Variants in NDST3 observed in about 807,000 individuals in gnomAD.
The protein encoded by NDST3 is bifunctional heparan sulfate N-deacetylase/N-sulfotransferase 3.
NDST3 carries 58 observed loss-of-function variants against 96.1 expected under a neutral mutation model. The observed-to-expected ratio is 0.60, with a 90% CI of 0.49 to 0.75. The LOEUF is 0.75. NDST3 is among the 30% of genes least tolerant of loss of function. The probability of loss-of-function intolerance (pLI) is 0.00; values close to 1 mark genes in which losing one functional copy is unlikely to be tolerated. For synonymous variants in NDST3, 333 were observed against 359.7 expected (o/e 0.93, Z 0.84); for missense variants, 788 against 1,034.2 (o/e 0.76, Z 3.27).
At position 118,053,864 on chromosome 4, in the gene NDST3, C is replaced by T. The variant is rs2110447142; in HGVS notation, c.-47C>T. On this transcript the variant is annotated 5_prime_UTR_variant, in exon 2 of 14. Transcript: ENST00000296499. Reference sequence around the variant, plus strand: ...GCTGGAACACCATCTTTTCTTTTAACTTTTTATGGTGCTTCTGTTGGCATA... The same window carrying T: ...GCTGGAACACCATCTTTTCTTTTAATTTTTTATGGTGCTTCTGTTGGCATA... 1 of 1,525,034 alleles carries T rather than the reference C, an allele frequency of 6.6e-7. No homozygotes were observed. Among genetic ancestry groups the T allele is most frequent in the Non-Finnish European group, 8.8e-7 (1 of 1,140,522 alleles). 94.5% of individuals were successfully genotyped at this position (1,525,034 alleles called of 1,614,324 possible).
intron 6 of NDST3, among the ~76,000 whole-genome samples, chr4:118,159,196 T>C (rs564899198): frequency 2.0e-5 from 3 of 152,332 alleles, no homozygotes; most frequent in Admixed American, 6.5e-5. Flanking sequence ...TTTTATCTTA[T>C]CTGTCTCCAA....
rs74613179 is a variant in NDST3, at chr4:118,240,402, T to C, written c.2119-122T>C. On this transcript the variant is annotated intron_variant, in intron 10 of 13. Transcript: ENST00000296499. ...TTTTCTTCCTTTACTAATTTCAAAATAGATAACTCTCCAGCAGTGAGGCAC... is the reference window on the plus strand; with the variant it reads ...TTTTCTTCCTTTACTAATTTCAAAACAGATAACTCTCCAGCAGTGAGGCAC... 2.5e-5 allele frequency: 18 copies of C among 719,918 alleles called. No individual in the cohort carries two copies. In the Admixed American group the frequency reaches 6.4e-4, roughly 26 times the overall value. The allele number at this position is 719,918 out of a possible 1,614,324, so 44.6% of individuals were successfully genotyped here.
At chr4:118,244,203 C>G (rs1347450483) in intron 12 of NDST3, among the ~76,000 whole-genome samples, 1 of 152,190 alleles carries the variant, frequency 6.6e-6, no homozygotes, top group Non-Finnish European at 1.5e-5. Context: ...TTGGAAGTTT[C>G]ATGTCATTGT....
At chr4:118,161,875 C>T (rs931185918) in intron 6 of NDST3, among the ~76,000 whole-genome samples, 5 of 152,136 alleles carry the variant, frequency 3.3e-5, no homozygotes, top group Admixed American at 6.5e-5. Context: ...GTGCACTGCA[C>T]CCACTGTCCT....
rs895699452 is a variant in NDST3, at chr4:118,242,064, C to T, written c.2314C>T (p.Leu772=). The T allele has an allele frequency of 1.9e-6, 3 of 1,611,926 alleles. No homozygotes were observed. Among genetic ancestry groups the T allele is most frequent in the Non-Finnish European group, 2.5e-6 (3 of 1,178,776 alleles). The change falls in exon 12 of 14, where the codon CTA becomes TTA. Residue 772 remains leucine (L), a synonymous_variant. Coordinates refer to ENST00000296499, the MANE Select transcript of NDST3 (RefSeq NM_004784.3). ...GTTGCTAATTATTGATGGGCAACAA[C>T]TAAGAACTGATCCTGCTACAGTGAT... ...FQLLIIDGQQ[L]RTDPATVMDE... is the part of the protein sequence containing the mutation.
intron 3 of NDST3, among the ~76,000 whole-genome samples, chr4:118,106,413 A>G (rs1199982739): frequency 1.3e-5 from 2 of 152,048 alleles, no homozygotes; most frequent in Non-Finnish European, 2.9e-5. Flanking sequence ...TGGTGCAAAC[A>G]CAACTCACTG....
intron 6 of NDST3, among the ~76,000 whole-genome samples, chr4:118,144,037 T>G (rs1733763841): frequency 6.6e-6 from 1 of 152,130 alleles, no homozygotes; most frequent in Admixed American, 6.5e-5. Context: ...GTTACCTCTA[T>G]TATTATTTTT....
chr4:118,197,616 T>C (rs1428069379), intron 6 of NDST3, among the ~76,000 whole-genome samples: 2 of 152,058 alleles, frequency 1.3e-5, no homozygotes, highest in African/African-American at 4.8e-5. Flanking sequence ...TTGTCTGATA[T>C]GAATATAGCT....
At chr4:118,212,065 G>A (rs1440278715) in intron 6 of NDST3, among the ~76,000 whole-genome samples, 1 of 152,184 alleles carries the variant, frequency 6.6e-6, no homozygotes, top group African/African-American at 2.4e-5. Flanking sequence ...GACAGGTAGG[G>A]TTGGAATAGC....
At chr4:118,038,274 A>T (rs1171161878) in intron 1 of NDST3, among the ~76,000 whole-genome samples, 2 of 152,332 alleles carry the variant, frequency 1.3e-5, no homozygotes, top group East Asian at 3.9e-4. Flanking sequence ...TATAGGGCAG[A>T]ATAAACAGCA....
At chr4:118,095,956 G>A (rs1325863494) in intron 2 of NDST3, among the ~76,000 whole-genome samples, 2 of 151,872 alleles carry the variant, frequency 1.3e-5, no homozygotes, top group Non-Finnish European at 2.9e-5. Flanking sequence ...AGGCAAATTT[G>A]TTTCTCCATT....
chr4:118,041,636 C>T (rs1724471281), intron 1 of NDST3, among the ~76,000 whole-genome samples: 1 of 152,190 alleles, frequency 6.6e-6, no homozygotes, highest in Non-Finnish European at 1.5e-5. Context: ...TGTGGGAACT[C>T]TCTGACATGC....
At chr4:118,232,484 T>C (rs1160540431) in intron 8 of NDST3, among the ~76,000 whole-genome samples, 1 of 151,474 alleles carries the variant, frequency 6.6e-6, no homozygotes, top group Non-Finnish European at 1.5e-5. Flanking sequence ...TTAAAAAAAA[T>C]TAAAAATTAG....
At chr4:118,097,799 C>G (rs944759780) in intron 2 of NDST3, among the ~76,000 whole-genome samples, 1 of 151,698 alleles carries the variant, frequency 6.6e-6, no homozygotes, top group Non-Finnish European at 1.5e-5. Flanking sequence ...TCTACAATGG[C>G]CATTTTCAAA....
At chr4:118,243,499 G>T (rs906189476) in intron 12 of NDST3, among the ~76,000 whole-genome samples, 5 of 152,112 alleles carry the variant, frequency 3.3e-5, no homozygotes, top group Admixed American at 2.6e-4. Context: ...GTTTTGTATA[G>T]CTTAGTTCAA....
At chr4:118,192,897 G>A (rs944012111) in intron 6 of NDST3, among the ~76,000 whole-genome samples, 4 of 152,112 alleles carry the variant, frequency 2.6e-5, no homozygotes, top group African/African-American at 9.7e-5. Flanking sequence ...ATGACACCAG[G>A]AGACAGCATC....
At chr4:118,159,713 G>A (rs977980847) in intron 6 of NDST3, among the ~76,000 whole-genome samples, 3 of 152,030 alleles carry the variant, frequency 2.0e-5, no homozygotes, top group African/African-American at 7.2e-5. Context: ...CAAAGAAATA[G>A]AAAATATTAA....
chr4:118,114,982 A>G (rs1228573780), intron 4 of NDST3, 22 bp downstream of exon 4: 12 of 1,611,878 alleles, frequency 7.4e-6, no homozygotes, highest in Non-Finnish European at 1.0e-5. Flanking sequence ...ACTTTGTTGC[A>G]TTGAAGTAGT....
At chr4:118,088,348 G>T (rs1001329071) in intron 2 of NDST3, among the ~76,000 whole-genome samples, 1 of 152,026 alleles carries the variant, frequency 6.6e-6, no homozygotes, top group African/African-American at 2.4e-5. Context: ...TAGAAAATGT[G>T]TTTTTTCCTA....
Sources: gnomAD v4.1 joint callset for allele counts (sites outside exome capture counted in the v4.1 genomes callset) on GRCh38, gnomAD v4.1.1 for gene constraint, MANE v1.5 for transcripts, NCBI Gene and HGNC (gene_info 2026-07-23, HGNC 2026-07-21) for gene names.